BAZ1B: variants seen among roughly 807,000 people sequenced by gnomAD.
BAZ1B encodes bromodomain adjacent to zinc finger domain 1B, also known as tyrosine-protein kinase BAZ1B.
BAZ1B carries 22 observed loss-of-function variants against 153.8 expected under a neutral mutation model. The ratio of observed to expected loss-of-function variants is 0.14; its 90% CI spans 0.10 to 0.20. BAZ1B has a LOEUF of 0.20. Among genes scored for constraint, BAZ1B ranks in the 10% least tolerant of loss-of-function variants. BAZ1B has a pLI of 1.00. For synonymous variants in BAZ1B, 676 were observed against 633.4 expected, an observed-to-expected ratio of 1.07 and a Z score of -1.01; for missense variants, 1,325 against 1,799.3, an observed-to-expected ratio of 0.74 and a Z score of 4.77.
At chr7:73,456,366 G>A (rs985087924) in intron 13 of BAZ1B, among the ~76,000 whole-genome samples, 1 of 152,244 alleles carries the variant, frequency 6.6e-6, no homozygotes, top group African/African-American at 2.4e-5. Context: ...GAATGAAAAG[G>A]CTACCCATGG....
chr7:73,459,246 CA>C (rs782368597), intron 13 of BAZ1B, among the ~76,000 whole-genome samples: 54 of 101,654 alleles, frequency 5.3e-4, no homozygotes, highest in Admixed American at 7.8e-4. Context: ...GACTCCATCT[CA>C]AAAAAAAAAA....
rs1788002729 is a variant in BAZ1B at position 73,450,720 on chromosome 7, G to A, written c.3580+127C>T. 1 of 1,103,232 alleles carries A rather than the reference G, an allele frequency of 9.1e-7. No homozygotes were observed. The highest frequency in any genetic ancestry group is 1.3e-6 in the Non-Finnish European group (1 of 770,678). The allele number at this position is 1,103,232 out of a possible 1,614,324, so 68.3% of individuals were successfully genotyped here. A position where few individuals can be genotyped will look rare whatever the true frequency, so the allele number is the denominator to read the frequency against. On this transcript the variant is annotated intron_variant, in intron 14 of 19. Coordinates refer to ENST00000339594, the MANE Select transcript of BAZ1B (RefSeq NM_032408.4). This position sits in a 1 kb window ranked among gnomAD's most constrained non-coding sequence, Gnocchi z 4.1. ...AGACTGGCATGTTACAGACCTGCAGGAGAGTAAAATCTATACCACACTTAT... is the reference window on the plus strand; with the variant it reads ...AGACTGGCATGTTACAGACCTGCAGAAGAGTAAAATCTATACCACACTTAT...
At chr7:73,468,569 A>G (rs1325279195) in intron 9 of BAZ1B, among the ~76,000 whole-genome samples, 3 of 152,154 alleles carry the variant, frequency 2.0e-5, no homozygotes, top group Admixed American at 1.3e-4. Context: ...AAGAATATGG[A>G]TATATATTCA....
intron 1 of BAZ1B, among the ~76,000 whole-genome samples, chr7:73,519,044 G>A (rs1271706087): frequency 6.6e-6 from 1 of 152,076 alleles, no homozygotes; most frequent in African/African-American, 2.4e-5. Flanking sequence ...AGGAAGTAAT[G>A]TACCATACAA....
intron 3 of BAZ1B, among the ~76,000 whole-genome samples, chr7:73,501,275 A>AC (rs1554577112): frequency 6.6e-6 from 1 of 152,132 alleles, no homozygotes; most frequent in African/African-American, 2.4e-5. Flanking sequence ...ACAAAACAAA[A>AC]CAAAAACAAA....
At chr7:73,476,736 A>G in intron 7 of BAZ1B, 132 bp downstream of exon 7, 2 of 1,399,808 alleles carry the variant, frequency 1.4e-6, no homozygotes, top group Non-Finnish European at 1.9e-6. Context: ...AATAAAATAC[A>G]TACCAATAGG....
rs952448606 is a variant in BAZ1B at position 73,442,528 on chromosome 7, C to T, written c.4120G>A (p.Glu1374Lys). 6.8e-6 allele frequency: 11 copies of T among 1,612,094 alleles called. No homozygotes were observed. Among genetic ancestry groups the T allele is most frequent in the African/African-American group, 4.0e-5 (3 of 74,878 alleles). ...FREPVTRDEA[E>K]DYYDVITHPM... ...TGCGTGATCACATCATAGTAGTCCTCGGCCTCATCTCTGGTCACAGGCTCC... is the reference window on the plus strand; with the variant it reads ...TGCGTGATCACATCATAGTAGTCCTTGGCCTCATCTCTGGTCACAGGCTCC... The change falls in exon 19 of 20, where the codon GAG becomes AAG. Residue 1374 changes from glutamate to lysine, a missense_variant. Physicochemically the swap from Glu to Lys is moderately conservative, Grantham distance 56. Around this residue, in one of 9 missense-constraint regions of BAZ1B, gnomAD observed 271 missense variants for 337.2 expected, o/e 0.80. Coordinates refer to ENST00000339594, the MANE Select transcript of BAZ1B (RefSeq NM_032408.4).
intron 1 of BAZ1B, among the ~76,000 whole-genome samples, chr7:73,515,496 T>C (rs901387232): frequency 6.6e-6 from 1 of 151,836 alleles, no homozygotes; most frequent in Non-Finnish European, 1.5e-5. Context: ...AAGCAAGACA[T>C]GTCACACACA....
chr7:73,478,181 C>G lies in BAZ1B; in HGVS notation c.1280G>C (p.Gly427Ala). 1 of 1,614,098 alleles carries G rather than the reference C, an allele frequency of 6.2e-7. No homozygotes were observed. Among genetic ancestry groups the G allele is most frequent in the South Asian group, 1.1e-5 (1 of 91,078 alleles). Reference protein sequence around the residue: ...STGNSKSPKKGLKTPKTKMKQ... With the variant: ...STGNSKSPKKALKTPKTKMKQ... ...CATTTTGGTTTTAGGAGTCTTCAGT[C>G]CTTTTTTGGGAGATTTGGAATTCCC... is the stretch of plus-strand genomic sequence containing the variant. Residue 427 changes from glycine to alanine, a missense_variant, in exon 7 of 20, where the codon GGA becomes GCA. Gly to Ala is a moderately conservative substitution (Grantham distance 60). Transcript: ENST00000339594.
intron 1 of BAZ1B, among the ~76,000 whole-genome samples, chr7:73,515,531 C>CTTTT (rs869065388): frequency 8.1e-5 from 9 of 111,390 alleles, no homozygotes; most frequent in Admixed American, 3.0e-4. Context: ...AGCCTTGTTC[C>CTTTT]TTTTTTTTTT....
At chr7:73,459,795 T>C in intron 12 of BAZ1B, 77 bp from the exon 13 acceptor site, 1 of 1,308,250 alleles carries the variant, frequency 7.6e-7, no homozygotes, top group Non-Finnish European at 1.0e-6. Context: ...CAAATTCAAA[T>C]AAATCTAGAC....
chr7:73,502,356 A>AC (rs1554577256), intron 3 of BAZ1B, among the ~76,000 whole-genome samples: 1 of 149,350 alleles, frequency 6.7e-6, no homozygotes, highest in African/African-American at 2.4e-5. Context: ...CATCATATCT[A>AC]CTTTTTTTTT....
At chr7:73,474,593 T>C (rs568031641) in intron 7 of BAZ1B, among the ~76,000 whole-genome samples, 1 of 152,120 alleles carries the variant, frequency 6.6e-6, no homozygotes. Context: ...CTGGTCAACA[T>C]GGTGAAAACC....
intron 13 of BAZ1B, among the ~76,000 whole-genome samples, chr7:73,454,863 C>CT (rs879947245): frequency 7.8e-4 from 114 of 146,378 alleles, no homozygotes; most frequent in African/African-American, 1.6e-3. Flanking sequence ...GAACTTAAGG[C>CT]TTTTTTTTTT....
intron 11 of BAZ1B, among the ~76,000 whole-genome samples, chr7:73,464,811 C>T (rs782175765): frequency 1.3e-4 from 20 of 152,214 alleles, no homozygotes; most frequent in Middle Eastern, 3.4e-3. Context: ...ATGCAACCTC[C>T]GCCTCCTGGG....
rs1260560522 is a variant in BAZ1B, at chr7:73,442,086, T to A, written c.*15+95A>T. The A allele has an allele frequency of 3.4e-6, 3 of 894,932 alleles. No individual in the cohort carries two copies. In the East Asian group the frequency reaches 7.3e-5, roughly 22 times the overall value. The allele number at this position is 894,932 out of a possible 1,614,324, so 55.4% of individuals were successfully genotyped here. On this transcript the variant is annotated intron_variant, in intron 19 of 19. Transcript: ENST00000339594. The stretch of plus-strand genomic sequence containing the variant: ...AGCATAAGCTTGGGATGACAGGCGT[T>A]TCTGGACTCCCTGTGATCTCTTCCA...
intron 3 of BAZ1B, among the ~76,000 whole-genome samples, chr7:73,499,574 T>C (rs1790045046): frequency 6.6e-6 from 1 of 152,178 alleles, no homozygotes; most frequent in South Asian, 2.1e-4. Flanking sequence ...TGATGGCGTG[T>C]TCCCATAGTC....
Position 73,492,699 on chromosome 7 carries a change from CATTT to C in BAZ1B, c.693+97_693+100del, listed in dbSNP as rs1439110894. 3.3e-6 allele frequency: 4 copies of C among 1,203,610 alleles called. No homozygotes were observed. In the Admixed American group the frequency reaches 7.4e-5, roughly 22 times the overall value. The allele number at this position is 1,203,610 out of a possible 1,614,324, so 74.6% of individuals were successfully genotyped here. A position where few individuals can be genotyped will look rare whatever the true frequency, so the allele number is the denominator to read the frequency against. Reference sequence around the variant, plus strand: ...AACCACTCAGAATCTGCTGTACATTCATTTACATTTTTCTTCAGCACATTTTCTC... The same window carrying C: ...AACCACTCAGAATCTGCTGTACATTCACATTTTTCTTCAGCACATTTTCTC... On this transcript the variant is annotated intron_variant, in intron 5 of 19. Transcript: ENST00000339594.
Position 73,441,486 on chromosome 7 carries a change from T to C in BAZ1B, c.*223A>G, listed in dbSNP as rs1170228279. 1 of 152,472 alleles carries C rather than the reference T, an allele frequency of 6.6e-6. No homozygotes were observed. The highest frequency in any genetic ancestry group is 1.5e-5 in the Non-Finnish European group (1 of 68,056). 9.4% of individuals were successfully genotyped at this position (152,472 alleles called of 1,614,324 possible). A position where few individuals can be genotyped will look rare whatever the true frequency, so the allele number is the denominator to read the frequency against. On this transcript the variant is annotated 3_prime_UTR_variant, in exon 20 of 20. Transcript: ENST00000339594. ...TGATTATAAGCAGGACTCCAGTCTC[T>C]AAGTGAAGTGCCTTAGTTTTGTTTT...
Sources: allele counts gnomAD v4.1 joint callset (sites outside exome capture counted in the v4.1 genomes callset), GRCh38; gene constraint gnomAD v4.1.1; regional missense constraint gnomAD v4.1.1; non-coding constraint Gnocchi (gnomAD v3.1); transcripts MANE v1.5; gene names NCBI Gene and HGNC (gene_info 2026-07-23, HGNC 2026-07-21).